Variants in RPIA observed in about 807,000 individuals in gnomAD.
The protein encoded by RPIA is ribose-5-phosphate isomerase.
A neutral mutation model predicts 37.8 loss-of-function variants in RPIA; 29 were observed. That is an observed-to-expected ratio of 0.77 (90% CI 0.57 to 1.05). The LOEUF is 1.05. Ranked by LOEUF, RPIA falls within the 50% of genes least tolerant of loss-of-function variation. The pLI is 0.00. For missense variants in RPIA, 385 were observed against 413.6 expected (o/e 0.93, Z 0.60); for synonymous variants, 167 against 157.0 (o/e 1.06, Z -0.48).
intron 2 of RPIA, 71 bp downstream of exon 2, chr2:88,698,615 A>G: frequency 7.1e-7 from 1 of 1,416,638 alleles, no homozygotes; most frequent in Non-Finnish European, 1.0e-6. Context: ...GAGAGGGAGG[A>G]AGTGGCACAC....
intron 8 of RPIA, among the ~76,000 whole-genome samples, chr2:88,744,899 G>T (rs1298183552): frequency 2.0e-5 from 3 of 152,132 alleles, no homozygotes; most frequent in Non-Finnish European, 4.4e-5. Flanking sequence ...TGTGTTAGGT[G>T]AGTCTCTTGA....
At chr2:88,709,454 A>C (rs1672936281) in intron 3 of RPIA, among the ~76,000 whole-genome samples, 1 of 152,250 alleles carries the variant, frequency 6.6e-6, no homozygotes, top group South Asian at 2.1e-4. Flanking sequence ...GATTATGTTT[A>C]GGACAAACTG....
In RPIA at chr2:88,729,287, C is replaced by T; in HGVS notation, c.412C>T (p.Leu138Phe). 1 of 1,614,192 alleles carries T rather than the reference C, an allele frequency of 6.2e-7. No individual in the cohort carries two copies. The highest frequency in any genetic ancestry group is 8.5e-7 in the Non-Finnish European group (1 of 1,180,022). The part of the protein sequence containing the change: ...CIPTSFQARQ[L>F]ILQYGLTLSD... The stretch of plus-strand genomic sequence containing the variant: ...TCCCTGTCCTCCGCAGGCCCGCCAG[C>T]TCATCCTGCAGTATGGCTTGACCCT... Residue 138 changes from leucine (L) to phenylalanine (F), a missense_variant, in exon 4 of 9, where the codon CTC becomes TTC. Around this residue, in one of 2 missense-constraint regions of RPIA, gnomAD observed 232 missense variants for 203.0 expected, o/e 1.14. Coordinates refer to ENST00000283646, the MANE Select transcript of RPIA (RefSeq NM_144563.3).
intron 3 of RPIA, among the ~76,000 whole-genome samples, chr2:88,718,307 C>T (rs1673060727): frequency 6.6e-6 from 1 of 152,126 alleles, no homozygotes; most frequent in Admixed American, 6.5e-5. Context: ...CATACTTGGC[C>T]TTATTATTTG....
At chr2:88,749,874 C>T (rs892195286) in intron 8 of RPIA, 107 bp from the exon 9 acceptor site, 4 of 732,190 alleles carry the variant, frequency 5.5e-6, no homozygotes, top group African/African-American at 3.5e-5. Flanking sequence ...ATTTGTCATT[C>T]GTCCAATGCT....
chr2:88,700,593 G>A (rs1011613516), intron 3 of RPIA, among the ~76,000 whole-genome samples: 25 of 152,324 alleles, frequency 1.6e-4, no homozygotes, highest in African/African-American at 5.3e-4. Context: ...GGTCCAAGCT[G>A]CAGTGAGCTG....
chr2:88,736,117 C>T (rs1232031533), intron 6 of RPIA, among the ~76,000 whole-genome samples: 1 of 152,198 alleles, frequency 6.6e-6, no homozygotes, highest in African/African-American at 2.4e-5. Flanking sequence ...GCATACCCTG[C>T]TTCTTCTCGG....
intron 2 of RPIA, among the ~76,000 whole-genome samples, chr2:88,698,925 C>A (rs776414822): frequency 1.3e-5 from 2 of 152,230 alleles, no homozygotes; most frequent in African/African-American, 4.8e-5. Flanking sequence ...CTGTCCATGA[C>A]CCTGGAGTGG....
intron 3 of RPIA, among the ~76,000 whole-genome samples, chr2:88,716,331 G>A (rs1025607131): frequency 6.6e-6 from 1 of 152,116 alleles, no homozygotes; most frequent in Non-Finnish European, 1.5e-5. Context: ...TCCCTAAAAC[G>A]TGTAAAAGCA....
At chr2:88,732,903 T>C (rs1328724366) in intron 4 of RPIA, among the ~76,000 whole-genome samples, 2 of 152,224 alleles carry the variant, frequency 1.3e-5, no homozygotes, top group East Asian at 3.9e-4. Flanking sequence ...GCTTTTGTGC[T>C]AAGTGCTGTA....
chr2:88,733,820 AGT>A (rs2104130506), intron 4 of RPIA, among the ~76,000 whole-genome samples: 2 of 152,322 alleles, frequency 1.3e-5, no homozygotes, highest in Admixed American at 1.3e-4. Flanking sequence ...GAGTACCATG[AGT>A]GATGAGAAAT....
intron 5 of RPIA, 132 bp from the exon 6 acceptor site, chr2:88,735,537 C>T (rs1456961115): frequency 3.7e-6 from 3 of 819,112 alleles, no homozygotes; most frequent in Non-Finnish European, 6.4e-6. Context: ...TGGGGATGTC[C>T]CTTTAAAAAT....
chr2:88,721,555 ACACACACACACACACACC>A (rs1673128803), intron 3 of RPIA, among the ~76,000 whole-genome samples: 1 of 50,680 alleles, frequency 2.0e-5, no homozygotes, highest in Admixed American at 2.2e-4. Flanking sequence ...ACACACACAC[ACACACACACACACACACC>A]CCCCCCCCCA....
In RPIA at chr2:88,698,523, G is replaced by A; in HGVS notation, c.325G>A (p.Val109Ile). The stretch of plus-strand genomic sequence containing the variant: ...GGGAATTGGAAGTGGTTCTACAATT[G>A]TCCATGCTGTGCAGCGAATAGGTAT... ...VLGIGSGSTI[V>I]HAVQRIAERV... Residue 109 changes from valine to isoleucine, a missense_variant, in exon 2 of 9, where the codon GTC becomes ATC. Physicochemically the swap from Val to Ile is conservative, Grantham distance 29. Transcript: ENST00000283646. 3 of 1,614,200 alleles carry A rather than the reference G, an allele frequency of 1.9e-6. No homozygotes were observed. The highest frequency in any genetic ancestry group is 2.5e-6 in the Non-Finnish European group (3 of 1,180,010).
intron 1 of RPIA, among the ~76,000 whole-genome samples, chr2:88,694,130 C>T (rs990506076): frequency 2.0e-5 from 3 of 152,234 alleles, no homozygotes; most frequent in African/African-American, 7.2e-5. Flanking sequence ...TAGAATGGGG[C>T]CACTCCTCTA....
intron 3 of RPIA, among the ~76,000 whole-genome samples, chr2:88,704,594 G>A (rs1390161429): frequency 6.6e-6 from 1 of 152,204 alleles, no homozygotes; most frequent in African/African-American, 2.4e-5. Context: ...TTCAAGATGA[G>A]ATTTGGGTGG....
chr2:88,722,996 T>C (rs1388714466), intron 3 of RPIA, among the ~76,000 whole-genome samples: 2 of 152,054 alleles, frequency 1.3e-5, no homozygotes, highest in Non-Finnish European at 2.9e-5. Flanking sequence ...GCATAGTTTT[T>C]TGTTTGTTTG....
intron 3 of RPIA, among the ~76,000 whole-genome samples, chr2:88,721,544 TACACACAC>T (rs748522109): frequency 1.4e-4 from 12 of 82,932 alleles, no homozygotes; most frequent in African/African-American, 5.2e-4. Flanking sequence ...ATATATATTA[TACACACAC>T]ACACACACAC....
intron 3 of RPIA, among the ~76,000 whole-genome samples, chr2:88,712,379 CTG>C (rs1411920832): frequency 6.6e-6 from 1 of 152,168 alleles, no homozygotes; most frequent in African/African-American, 2.4e-5. Context: ...TTTCTTTTAC[CTG>C]TGTGTTCAAC....
Sources: gnomAD v4.1 joint callset for allele counts (sites outside exome capture counted in the v4.1 genomes callset) on GRCh38, gnomAD v4.1.1 for gene constraint, gnomAD v4.1.1 regional missense constraint, MANE v1.5 for transcripts, NCBI Gene and HGNC (gene_info 2026-07-23, HGNC 2026-07-21) for gene names.